Variants in MYO9B observed in about 807,000 individuals in gnomAD.
The protein encoded by MYO9B is myosin IXB.
In MYO9B, 71 loss-of-function variants were observed where a neutral mutation model predicts 229.5. That is an observed-to-expected ratio of 0.31 (90% CI 0.26 to 0.38). MYO9B has a LOEUF of 0.38. Ranked by LOEUF, MYO9B falls within the 10% of genes least tolerant of loss-of-function variation. The pLI is 1.00. For missense variants in MYO9B, 2,255 were observed against 2,920.5 expected (o/e 0.77, Z 5.25); for synonymous variants, 1,185 against 1,235.8 (o/e 0.96, Z 0.86).
At chr19:17,077,497 C>T (rs540151769) in intron 1 of MYO9B, among the ~76,000 whole-genome samples, 1 of 152,160 alleles carries the variant, frequency 6.6e-6, no homozygotes, top group African/African-American at 2.4e-5. Context: ...AGAACAGGAC[C>T]GGGATCTTCT....
intron 36 of MYO9B, 69 bp from the exon 37 acceptor site, chr19:17,210,264 A>C: frequency 1.4e-6 from 2 of 1,450,986 alleles, no homozygotes; most frequent in Non-Finnish European, 1.8e-6. Flanking sequence ...CGGTCATTGG[A>C]TGTATCCCCA....
intron 2 of MYO9B, among the ~76,000 whole-genome samples, chr19:17,105,319 C>CAA (rs36000160): frequency 8.8e-4 from 63 of 71,640 alleles, no homozygotes; most frequent in South Asian, 1.3e-3. Context: ...CTGTCTCTAC[C>CAA]AAAAAAAAAA....
chr19:17,208,507 C>A (rs1468634911), intron 35 of MYO9B, among the ~76,000 whole-genome samples: 1 of 151,442 alleles, frequency 6.6e-6, no homozygotes, highest in Non-Finnish European at 1.5e-5. Flanking sequence ...TCTCGGCTCA[C>A]TGCAAGCTCC....
chr19:17,208,987 A>C (rs998097242), intron 35 of MYO9B, among the ~76,000 whole-genome samples: 1 of 151,908 alleles, frequency 6.6e-6, no homozygotes, highest in Non-Finnish European at 1.5e-5. Flanking sequence ...CTCCGGGCTG[A>C]GTCCCTCTGG....
chr19:17,126,580 T>C (rs73519691), intron 2 of MYO9B, among the ~76,000 whole-genome samples: 10,072 of 152,216 alleles, frequency 0.066, 525 homozygotes, highest in African/African-American at 0.13. Flanking sequence ...GATGTGGCTG[T>C]GTGCCAGGAA....
At chr19:17,141,044 C>T (rs2072332695) in intron 2 of MYO9B, among the ~76,000 whole-genome samples, 1 of 150,598 alleles carries the variant, frequency 6.6e-6, no homozygotes, top group African/African-American at 2.4e-5. Flanking sequence ...GTGGAGGTTG[C>T]AGTGAGCCGA....
rs142598399 is a variant in MYO9B at position 17,137,958 on chromosome 19, T to C, written c.841-7439T>C. Among the ~76,000 whole-genome samples the C allele has an allele frequency of 7.0e-3, 1,071 of 151,934 alleles. 14 individuals are homozygous for C. The highest frequency in any genetic ancestry group is 0.024 in the African/African-American group (1,005 of 41,390). On this transcript the variant is annotated intron_variant, in intron 2 of 39. Transcript: ENST00000682292. ...GGATACATGTGCAGAACGTGCAGTT[T>C]CGTTACATAGGTATACACATGCCAT...
intron 19 of MYO9B, among the ~76,000 whole-genome samples, chr19:17,190,180 T>C (rs923166499): frequency 1.3e-5 from 2 of 151,530 alleles, no homozygotes; most frequent in Non-Finnish European, 2.9e-5. Flanking sequence ...TGAGAACCCA[T>C]TTCTTTGGTT....
Position 17,212,183 on chromosome 19 carries a change from C to A in MYO9B, c.6347C>A (p.Ala2116Glu). 3 of 1,579,962 alleles carry A rather than the reference C, an allele frequency of 1.9e-6. No individual in the cohort carries two copies. The highest frequency in any genetic ancestry group is 2.6e-6 in the Non-Finnish European group (3 of 1,164,576). Residue 2116 changes from alanine to glutamate, a missense_variant, in exon 40 of 40, where the codon GCA becomes GAA. By Grantham distance (107) the Ala-to-Glu change is moderately radical (BLOSUM62 -1). This residue lies in a region of MYO9B where 331 missense variants were observed against 332.5 expected (regional missense o/e 1.00). Transcript: ENST00000682292. The surrounding 1 kb of genome is among the most constrained non-coding windows in gnomAD (Gnocchi z 5.4). ...CATTCCGTGTACATCACGCCCGGGGCAGACCTGCCAGTGCAGGGCGCCCTG... is the reference window on the plus strand; with the variant it reads ...CATTCCGTGTACATCACGCCCGGGGAAGACCTGCCAGTGCAGGGCGCCCTG... ...QIHSVYITPG[A>E]DLPVQGALEP...
intron 13 of MYO9B, among the ~76,000 whole-genome samples, chr19:17,173,747 C>A (rs1224385779): frequency 6.6e-6 from 1 of 152,092 alleles, no homozygotes; most frequent in Non-Finnish European, 1.5e-5. Context: ...TATAGAGTTG[C>A]TGATAGAAGG....
intron 14 of MYO9B, among the ~76,000 whole-genome samples, chr19:17,180,379 C>T (rs1333974171): frequency 3.6e-5 from 4 of 111,004 alleles, no homozygotes; most frequent in Admixed American, 1.2e-4. Flanking sequence ...GACAGAGTCT[C>T]GCTCTGTCTC....
Position 17,194,574 on chromosome 19 carries a change from G to A in MYO9B, c.3147G>A (p.Ser1049=), listed in dbSNP as rs369764358. 119 of 1,612,556 alleles carry A rather than the reference G, an allele frequency of 7.4e-5. No homozygotes were observed. The African/African-American group carries it at 8.0e-4, about 11-fold the overall frequency. Residue 1049 remains serine (S), a synonymous_variant, in exon 22 of 40, where the codon TCG becomes TCA. Transcript: ENST00000682292. ...ACTCCAGCTTCAGCCAGATGATCTCGGAGAAGCAGAAGGCAGAAGAGAAGG... is the reference window on the plus strand; with the variant it reads ...ACTCCAGCTTCAGCCAGATGATCTCAGAGAAGCAGAAGGCAGAAGAGAAGG... ...LQRKSFSQMI[S]EKQKAEEKER...
Position 17,105,356 on chromosome 19 carries a change from G to C in MYO9B, c.840+2799G>C, listed in dbSNP as rs368530766. Reference sequence around the variant, plus strand: ...AAAAAAAAAAAAAAATTAGCCAGGTGTGGTGGTGTTTGCCTGTGGTCCCCC... The same window carrying C: ...AAAAAAAAAAAAAAATTAGCCAGGTCTGGTGGTGTTTGCCTGTGGTCCCCC... On this transcript the variant is annotated intron_variant, in intron 2 of 39. Coordinates refer to ENST00000682292, the MANE Select transcript of MYO9B (RefSeq NM_004145.4). Among the ~76,000 whole-genome samples the C allele has an allele frequency of 5.6e-3, 838 of 150,774 alleles. 15 individuals are homozygous for C. Among genetic ancestry groups the C allele is most frequent in the African/African-American group, 0.02 (805 of 40,996 alleles).
chr19:17,133,626 AT>A (rs1432130217), intron 2 of MYO9B, among the ~76,000 whole-genome samples: 1 of 151,536 alleles, frequency 6.6e-6, no homozygotes, highest in Non-Finnish European at 1.5e-5. Context: ...CTAGCTTTTT[AT>A]TTTTTGTAAA....
chr19:17,184,812 C>T (rs779534558), intron 16 of MYO9B, 53 bp from the exon 17 acceptor site: 197 of 1,608,618 alleles, frequency 1.2e-4, no homozygotes, highest in African/African-American at 1.9e-4. Context: ...GATGCCTCCC[C>T]GTGCCCGTGT....
chr19:17,206,225 G>GTGGGGCCC, intron 32 of MYO9B, 23 bp from the exon 33 acceptor site: 5 of 1,564,664 alleles, frequency 3.2e-6, no homozygotes, highest in Non-Finnish European at 4.3e-6. Flanking sequence ...CCGCTCACCA[G>GTGGGGCCC]ACCCACCCCA....
At chr19:17,142,424 A>G (rs539526464) in intron 2 of MYO9B, among the ~76,000 whole-genome samples, 1 of 152,256 alleles carries the variant, frequency 6.6e-6, no homozygotes, top group Admixed American at 6.5e-5. Context: ...ATGCCACTGA[A>G]TTGTACACTT....
At chr19:17,117,236 T>G (rs549681230) in intron 2 of MYO9B, among the ~76,000 whole-genome samples, 2 of 152,188 alleles carry the variant, frequency 1.3e-5, no homozygotes, top group Non-Finnish European at 2.9e-5. Context: ...CCACAGGGCC[T>G]GGCTGCCAAT....
chr19:17,153,378 C>G (rs577595333), intron 4 of MYO9B, among the ~76,000 whole-genome samples: 1 of 134,820 alleles, frequency 7.4e-6, no homozygotes, highest in South Asian at 2.4e-4. Flanking sequence ...GAGTCCTTGT[C>G]TCTTTTAAAA....
Sources: gnomAD v4.1 joint callset for allele counts (sites outside exome capture counted in the v4.1 genomes callset) on GRCh38, gnomAD v4.1.1 for gene constraint, gnomAD v4.1.1 regional missense constraint, Gnocchi (gnomAD v3.1) non-coding constraint, MANE v1.5 for transcripts, NCBI Gene and HGNC (gene_info 2026-07-23, HGNC 2026-07-21) for gene names.